CELF2: variants seen among roughly 807,000 people sequenced by gnomAD.
The protein encoded by CELF2 is CUG triplet repeat RNA-binding protein 2.
In CELF2, 8 loss-of-function variants were observed where a neutral mutation model predicts 62.6. The observed-to-expected ratio is 0.13, with a 90% CI of 0.07 to 0.23. The LOEUF (loss-of-function observed/expected upper bound fraction) is 0.23, where lower values mean the gene tolerates loss of function less well. Ranked by LOEUF, CELF2 falls within the 10% of genes least tolerant of loss-of-function variation. The pLI, the probability that CELF2 is intolerant of heterozygous loss-of-function variation, is 1.00. For missense variants in CELF2, 333 were observed against 671.0 expected (o/e 0.50, Z 5.56); for synonymous variants, 258 against 250.0 (o/e 1.03, Z -0.30).
In CELF2 at chr10:11,305,377, C is replaced by G. The variant is rs1388928027; in HGVS notation, c.977-8762C>G. Among the ~76,000 whole-genome samples the G allele has an allele frequency of 6.6e-6, 1 of 152,220 alleles. No homozygotes were observed. The highest frequency in any genetic ancestry group is 1.5e-5 in the Non-Finnish European group (1 of 68,044). On this transcript the variant is annotated intron_variant, in intron 9 of 12. Coordinates refer to ENST00000633077, the MANE Select transcript of CELF2 (RefSeq NM_001326342.2). The surrounding 1 kb of genome is among the most constrained non-coding windows in gnomAD (Gnocchi z 4.8). ...CCACACCTGGGTGCCGGCGCCCATC[C>G]TGCATCCCTCACGGGTACACCGGGG...
chr10:10,491,142 T>C, the CELF2 span, among the ~76,000 whole-genome samples: 2 of 152,168 alleles, frequency 1.3e-5, no homozygotes, highest in African/African-American at 4.8e-5. Flanking sequence ...AGGTCAAAGT[T>C]AGAGGAACTT....
At chr10:10,638,934 A>T in the CELF2 span, among the ~76,000 whole-genome samples, 2 of 152,230 alleles carry the variant, frequency 1.3e-5, no homozygotes, top group Non-Finnish European at 2.9e-5. Flanking sequence ...TCAGAGCTCC[A>T]GTAGATCCCC....
At chr10:10,576,833 C>G in the CELF2 span, among the ~76,000 whole-genome samples, 1 of 152,148 alleles carries the variant, frequency 6.6e-6, no homozygotes, top group African/African-American at 2.4e-5. Context: ...ACTGGAGTTA[C>G]TCTTACCAGT....
chr10:10,465,854 C>G, the CELF2 span, among the ~76,000 whole-genome samples: 1 of 152,076 alleles, frequency 6.6e-6, no homozygotes, highest in African/African-American at 2.4e-5. Flanking sequence ...AAGTCTTAAC[C>G]TCTGTGTTCG....
chr10:11,320,757 C>G, intron 10 of CELF2: 1 of 1,243,216 alleles, frequency 8.0e-7, no homozygotes. Context: ...TGCAAGCTAT[C>G]CCATAGTTCC....
intron 2 of CELF2, among the ~76,000 whole-genome samples, chr10:11,202,145 C>G (rs2059357964): frequency 6.6e-6 from 1 of 152,048 alleles, no homozygotes; most frequent in South Asian, 2.1e-4. Flanking sequence ...GATGGTGATT[C>G]TATGGTTTAT....
chr10:10,746,996 A>G, the CELF2 span, among the ~76,000 whole-genome samples: 2 of 152,238 alleles, frequency 1.3e-5, no homozygotes, highest in African/African-American at 4.8e-5. Context: ...TATCTGAGAA[A>G]AGCACCTACC....
the CELF2 span, among the ~76,000 whole-genome samples, chr10:10,764,013 G>C: frequency 3.3e-5 from 5 of 152,194 alleles, no homozygotes; most frequent in Admixed American, 2.6e-4. Context: ...GTTTTAAATG[G>C]TAACCCACAG....
the CELF2 span, among the ~76,000 whole-genome samples, chr10:10,702,907 T>G: frequency 6.6e-6 from 1 of 152,214 alleles, no homozygotes; most frequent in Non-Finnish European, 1.5e-5. Flanking sequence ...ATAACAATTT[T>G]ATTTCTCTGG....
chr10:10,491,409 T>C, the CELF2 span, among the ~76,000 whole-genome samples: 1 of 152,176 alleles, frequency 6.6e-6, no homozygotes. Context: ...ATTCATTTGG[T>C]GCTCTTTGCC....
chr10:10,723,583 G>A, the CELF2 span, among the ~76,000 whole-genome samples: 1 of 152,134 alleles, frequency 6.6e-6, no homozygotes, highest in Non-Finnish European at 1.5e-5. Context: ...AGACTTCTAA[G>A]GTGCCCAGTG....
At chr10:11,042,032 A>G (rs897667156) in intron 1 of CELF2, among the ~76,000 whole-genome samples, 1 of 152,232 alleles carries the variant, frequency 6.6e-6, no homozygotes, top group Non-Finnish European at 1.5e-5. Flanking sequence ...TTAGATGGAT[A>G]GACTAGAACA....
chr10:10,551,523 C>T, the CELF2 span, among the ~76,000 whole-genome samples: 2 of 151,984 alleles, frequency 1.3e-5, no homozygotes, highest in East Asian at 1.9e-4. Context: ...ACTGGAGAAG[C>T]GAATGTCAAT....
rs548871694 is a variant in CELF2, at chr10:11,115,214, G to A, written c.75-50272G>A. 1.4e-3 allele frequency among the ~76,000 whole-genome samples: 216 copies of A among 152,308 alleles called. 1 individual carries two copies. The highest frequency in any genetic ancestry group is 2.7e-3 in the Non-Finnish European group (185 of 68,022). ...TACACAAATTGATTTTTTCAACTTC[G>A]TTTGATTGGTAACACTGATTCAAAT... is the stretch of plus-strand genomic sequence containing the variant. On this transcript the variant is annotated intron_variant, in intron 1 of 12. Coordinates refer to ENST00000633077, the MANE Select transcript of CELF2 (RefSeq NM_001326342.2).
At chr10:10,910,715 A>G (rs868355746) in intron 1 of CELF2, among the ~76,000 whole-genome samples, 64 of 149,252 alleles carry the variant, frequency 4.3e-4, no homozygotes, top group Middle Eastern at 7.0e-3. Flanking sequence ...AAAAAAAAAA[A>G]AAAAGAAAAG....
chr10:10,875,276 C>T (rs1209942511), intron 1 of CELF2, among the ~76,000 whole-genome samples: 1 of 152,194 alleles, frequency 6.6e-6, no homozygotes, highest in Non-Finnish European at 1.5e-5. Flanking sequence ...AAATCATTCT[C>T]TCTACATATG....
At position 11,321,481 on chromosome 10, in the gene CELF2, A is replaced by C; in HGVS notation, c.1294+95A>C. On this transcript the variant is annotated intron_variant, in intron 11 of 12. Transcript: ENST00000633077. This position sits in a 1 kb window ranked among gnomAD's most constrained non-coding sequence, Gnocchi z 6.2. ...GAAGGTATCAAATTGAACTGAACCC[A>C]TGTCATAACAGAAAGCAGTTGTTTT... The C allele has an allele frequency of 1.1e-6, 1 of 938,606 alleles. No individual in the cohort carries two copies. The highest frequency in any genetic ancestry group is 1.6e-5 in the South Asian group (1 of 62,324). 58.1% of individuals were successfully genotyped at this position (938,606 alleles called of 1,614,324 possible).
At chr10:10,639,367 A>G in the CELF2 span, among the ~76,000 whole-genome samples, 1 of 152,206 alleles carries the variant, frequency 6.6e-6, no homozygotes, top group Admixed American at 6.5e-5. Flanking sequence ...TGAATATTAA[A>G]AGAGTGGTTG....
At chr10:10,688,522 T>G in the CELF2 span, among the ~76,000 whole-genome samples, 1 of 152,182 alleles carries the variant, frequency 6.6e-6, no homozygotes, top group African/African-American at 2.4e-5. Context: ...ACCAATTGAA[T>G]AGCTGATGCA....
Sources: gnomAD v4.1 joint callset for allele counts (sites outside exome capture counted in the v4.1 genomes callset) on GRCh38, gnomAD v4.1.1 for gene constraint, Gnocchi (gnomAD v3.1) non-coding constraint, MANE v1.5 for transcripts, NCBI Gene and HGNC (gene_info 2026-07-23, HGNC 2026-07-21) for gene names.